Variants in TMEM178B observed in about 807,000 individuals in gnomAD.
TMEM178B encodes transmembrane protein 178B.
Under a neutral mutation model 31.0 loss-of-function variants are expected in TMEM178B, and 5 were observed. That is an observed-to-expected ratio of 0.16 (90% CI 0.08 to 0.34). TMEM178B has a LOEUF of 0.34. Among genes scored for constraint, TMEM178B ranks in the 10% least tolerant of loss-of-function variants. TMEM178B has a pLI of 1.00. For synonymous variants in TMEM178B, 164 were observed against 164.0 expected (o/e 1.00, Z 0.00); for missense variants, 275 against 400.3 (o/e 0.69, Z 2.67).
At chr7:141,214,465 T>A (rs1369271015) in intron 2 of TMEM178B, among the ~76,000 whole-genome samples, 1 of 152,150 alleles carries the variant, frequency 6.6e-6, no homozygotes, top group African/African-American at 2.4e-5. Context: ...CAAGGCAATG[T>A]GATAATTACA....
At chr7:141,158,393 G>A (rs1724547411) in intron 1 of TMEM178B, among the ~76,000 whole-genome samples, 3 of 152,158 alleles carry the variant, frequency 2.0e-5, no homozygotes, top group Non-Finnish European at 2.9e-5. Flanking sequence ...ACCATGCTTG[G>A]CCCCTCAGGT....
At chr7:141,509,415 C>T in the TMEM178B span, among the ~76,000 whole-genome samples, 2 of 152,008 alleles carry the variant, frequency 1.3e-5, no homozygotes, top group East Asian at 1.9e-4. Context: ...TTTGGGAGGC[C>T]GAGGCAGGAG....
At chr7:141,133,542 TA>T (rs1795628242) in intron 1 of TMEM178B, among the ~76,000 whole-genome samples, 1 of 151,896 alleles carries the variant, frequency 6.6e-6, no homozygotes, top group African/African-American at 2.4e-5. Context: ...CAGTCAGACT[TA>T]AAAAATAAAA....
intron 2 of TMEM178B, among the ~76,000 whole-genome samples, chr7:141,358,561 C>T (rs1033426628): frequency 4.6e-5 from 7 of 152,080 alleles, no homozygotes; most frequent in African/African-American, 9.7e-5. Flanking sequence ...GAACTTCCAA[C>T]CCTACCCTAT....
intron 2 of TMEM178B, among the ~76,000 whole-genome samples, chr7:141,299,608 G>A (rs1023310338): frequency 2.0e-5 from 3 of 152,058 alleles, no homozygotes; most frequent in Admixed American, 1.3e-4. Flanking sequence ...TTCTCTAAGC[G>A]GGATAGGAAA....
intron 3 of TMEM178B, among the ~76,000 whole-genome samples, chr7:141,438,105 G>A (rs992482455): frequency 6.6e-6 from 1 of 152,154 alleles, no homozygotes; most frequent in Non-Finnish European, 1.5e-5. Flanking sequence ...TTATATGCAG[G>A]CCCTGGGCAT....
At chr7:141,435,090 C>A (rs1160189710) in intron 2 of TMEM178B, among the ~76,000 whole-genome samples, 2 of 152,054 alleles carry the variant, frequency 1.3e-5, no homozygotes, top group Admixed American at 1.3e-4. Flanking sequence ...ATATTTATAG[C>A]CAACTGATTT....
At chr7:141,175,530 T>C (rs1233927920) in intron 1 of TMEM178B, among the ~76,000 whole-genome samples, 1 of 152,220 alleles carries the variant, frequency 6.6e-6, no homozygotes, top group African/African-American at 2.4e-5. Flanking sequence ...GGGATAGCAT[T>C]AAATCTATAA....
At chr7:141,092,052 T>C (rs1487715540) in intron 1 of TMEM178B, among the ~76,000 whole-genome samples, 2 of 152,210 alleles carry the variant, frequency 1.3e-5, no homozygotes, top group Non-Finnish European at 2.9e-5. Flanking sequence ...ATGCTAAAGA[T>C]ACATTCCAGG....
chr7:141,207,918 G>A (rs1006653302), intron 1 of TMEM178B, among the ~76,000 whole-genome samples: 26 of 152,180 alleles, frequency 1.7e-4, no homozygotes, highest in Middle Eastern at 3.4e-3. Flanking sequence ...GGCCAGGTGC[G>A]GTGGCTTGTG....
chr7:141,216,618 C>G (rs1027126073), intron 2 of TMEM178B, among the ~76,000 whole-genome samples: 5 of 151,966 alleles, frequency 3.3e-5, no homozygotes, highest in Non-Finnish European at 7.4e-5. Context: ...TCTGGGTGAA[C>G]TGGTGACCAG....
At chr7:141,193,221 C>A (rs1796725587) in intron 1 of TMEM178B, among the ~76,000 whole-genome samples, 1 of 152,238 alleles carries the variant, frequency 6.6e-6, no homozygotes, top group Non-Finnish European at 1.5e-5. Flanking sequence ...AGAAGACTTC[C>A]TGGCCAGGCT....
the TMEM178B span, among the ~76,000 whole-genome samples, chr7:141,494,939 T>C: frequency 5.9e-5 from 9 of 152,318 alleles, no homozygotes; most frequent in East Asian, 1.3e-3. Flanking sequence ...AGATAGGTGA[T>C]AAGTTGATAA....
At chr7:141,176,434 C>G (rs1207003917) in intron 1 of TMEM178B, among the ~76,000 whole-genome samples, 3 of 152,124 alleles carry the variant, frequency 2.0e-5, no homozygotes, top group African/African-American at 7.2e-5. Context: ...TTTGTTGTGT[C>G]TCTGTCAGGT....
intron 1 of TMEM178B, among the ~76,000 whole-genome samples, chr7:141,161,081 T>A (rs2129181597): frequency 6.6e-6 from 1 of 152,260 alleles, no homozygotes; most frequent in South Asian, 2.1e-4. Flanking sequence ...GGTCTTGAAC[T>A]CCTGACCTCG....
At chr7:141,154,172 G>C (rs2129180815) in intron 1 of TMEM178B, among the ~76,000 whole-genome samples, 1 of 152,364 alleles carries the variant, frequency 6.6e-6, no homozygotes, top group East Asian at 1.9e-4. Context: ...CAGTGGCTCT[G>C]TCTTCCATAG....
At position 141,414,306 on chromosome 7, in the gene TMEM178B, G is replaced by A. The variant is rs1468404607; in HGVS notation, c.497-23302G>A. On this transcript the variant is annotated intron_variant, in intron 2 of 3. Coordinates refer to ENST00000565468, the MANE Select transcript of TMEM178B (RefSeq NM_001195278.2). The stretch of plus-strand genomic sequence containing the variant: ...TCACCGTGTTAGCCAAGATGGTCTC[G>A]ATCTCCTGACCTTGTGATCCGCCCG... 6 of 19,150 alleles carry A rather than the reference G, an allele frequency of 3.1e-4. 3 individuals carry two copies. The highest frequency in any genetic ancestry group is 0.027 in the Middle Eastern group (2 of 74). 1.2% of individuals were successfully genotyped at this position (19,150 alleles called of 1,614,324 possible).
intron 2 of TMEM178B, among the ~76,000 whole-genome samples, chr7:141,386,014 A>C (rs1800425419): frequency 1.3e-5 from 2 of 152,304 alleles, no homozygotes; most frequent in South Asian, 4.1e-4. Context: ...GAAGCGCTGG[A>C]CTTGCTACAA....
intron 1 of TMEM178B, among the ~76,000 whole-genome samples, chr7:141,193,360 G>A (rs868415627): frequency 1.5e-4 from 23 of 152,210 alleles, no homozygotes; most frequent in African/African-American, 5.3e-4. Flanking sequence ...TTTCAGAGAG[G>A]CCCTGAATGC....
Sources: allele counts gnomAD v4.1 joint callset (sites outside exome capture counted in the v4.1 genomes callset), GRCh38; gene constraint gnomAD v4.1.1; transcripts MANE v1.5; gene names NCBI Gene and HGNC (gene_info 2026-07-23, HGNC 2026-07-21).